The following PPFIA2 variants were observed in gnomAD, a reference collection of about 807,000 sequenced individuals.
PPFIA2 encodes the protein PPFI scaffold protein A2, also known as liprin-alpha-2.
PPFIA2 carries 46 observed loss-of-function variants against 175.5 expected under a neutral mutation model. The observed-to-expected ratio is 0.26, with a 90% CI of 0.21 to 0.34. The LOEUF is 0.34. Among genes scored for constraint, PPFIA2 ranks in the 10% least tolerant of loss-of-function variants. The pLI is 1.00. For synonymous variants in PPFIA2, 568 were observed against 511.4 expected, an observed-to-expected ratio of 1.11 and a Z score of -1.49; for missense variants, 1,179 against 1,506.1, an observed-to-expected ratio of 0.78 and a Z score of 3.60.
At chr12:81,315,997 C>T (rs1412549387) in intron 22 of PPFIA2, among the ~76,000 whole-genome samples, 1 of 151,494 alleles carries the variant, frequency 6.6e-6, no homozygotes, top group Non-Finnish European at 1.5e-5. Context: ...TAATCATCTG[C>T]CTAGCAAACC....
At chr12:81,435,551 A>T (rs752433327) in intron 7 of PPFIA2, among the ~76,000 whole-genome samples, 5 of 152,008 alleles carry the variant, frequency 3.3e-5, no homozygotes, top group Non-Finnish European at 7.4e-5. Flanking sequence ...AGAATAAGAC[A>T]AGTGGTGGTG....
At chr12:81,297,628 T>C (rs561720285) in intron 23 of PPFIA2, among the ~76,000 whole-genome samples, 2 of 152,338 alleles carry the variant, frequency 1.3e-5, no homozygotes, top group African/African-American at 4.8e-5. Flanking sequence ...TCAAAATAAC[T>C]AAACATCTAA....
chr12:81,439,825 G>A (rs2144973651), intron 7 of PPFIA2, 147 bp downstream of exon 7: 2 of 696,138 alleles, frequency 2.9e-6, no homozygotes, highest in Admixed American at 3.5e-5. Flanking sequence ...CAAGACTCCG[G>A]CAACTAATTT....
At chr12:81,457,362 G>A (rs2053770660) in intron 5 of PPFIA2, among the ~76,000 whole-genome samples, 1 of 151,324 alleles carries the variant, frequency 6.6e-6, no homozygotes, top group Non-Finnish European at 1.5e-5. Flanking sequence ...TTTTGTAGCA[G>A]CCCTTAATTT....
At chr12:81,309,720 C>A (rs563287839) in intron 22 of PPFIA2, among the ~76,000 whole-genome samples, 2 of 152,124 alleles carry the variant, frequency 1.3e-5, no homozygotes, top group Non-Finnish European at 2.9e-5. Context: ...AACCGTTTAT[C>A]TTCAAGCTTC....
At chr12:81,746,797 A>C (rs2083121298) in intron 3 of PPFIA2, among the ~76,000 whole-genome samples, 1 of 143,564 alleles carries the variant, frequency 7.0e-6, no homozygotes, top group Non-Finnish European at 1.6e-5. Flanking sequence ...GGAGAATGTA[A>C]GTAAATGAAG....
chr12:81,288,286 T>C (rs2044003161), intron 24 of PPFIA2, among the ~76,000 whole-genome samples: 1 of 151,788 alleles, frequency 6.6e-6, no homozygotes, highest in African/African-American at 2.4e-5. Context: ...CATGAGGTCC[T>C]GGGAGGCTAT....
At chr12:81,719,798 A>G (rs1262978805) in intron 3 of PPFIA2, among the ~76,000 whole-genome samples, 1 of 151,486 alleles carries the variant, frequency 6.6e-6, no homozygotes, top group Non-Finnish European at 1.5e-5. Context: ...GTTTAAGTTC[A>G]CTGACCTTAA....
At chr12:81,665,989 A>C (rs868365970) in intron 4 of PPFIA2, among the ~76,000 whole-genome samples, 142 of 152,328 alleles carry the variant, frequency 9.3e-4, no homozygotes, top group East Asian at 7.7e-4. Flanking sequence ...ACATTTATGC[A>C]GCCAAAAAAC....
At chr12:81,509,016 T>C (rs2147725977) in intron 4 of PPFIA2, among the ~76,000 whole-genome samples, 1 of 152,266 alleles carries the variant, frequency 6.6e-6, no homozygotes, top group South Asian at 2.1e-4. Flanking sequence ...TGGACTACTA[T>C]GCAGCCATAA....
intron 4 of PPFIA2, chr12:81,546,019 G>A (rs1594776129): frequency 6.6e-6 from 1 of 151,854 alleles, no homozygotes; most frequent in African/African-American, 2.4e-5. Flanking sequence ...AGCTACTCGG[G>A]AGGTCGAGGC....
chr12:81,446,268 A>G lies in PPFIA2; in HGVS notation c.406-548T>C, dbSNP rs542802745. 2.6e-5 allele frequency among the ~76,000 whole-genome samples: 4 copies of G among 152,352 alleles called. No individual in the cohort carries two copies. In the East Asian group the frequency reaches 7.7e-4, roughly 29 times the overall value. On this transcript the variant is annotated intron_variant, in intron 5 of 32. Transcript: ENST00000549396. ...TTAGAACATAGTAACTGAGATTCTC[A>G]ATTGTCAGTTCAGAAAAGGAAGTTA...
chr12:81,337,816 G>A (rs183375123), intron 21 of PPFIA2, among the ~76,000 whole-genome samples: 1 of 152,142 alleles, frequency 6.6e-6, no homozygotes, highest in East Asian at 1.9e-4. Context: ...AGATCATTTG[G>A]TCAACCACTA....
rs1247041532 is a variant in PPFIA2 at position 81,666,117 on chromosome 12, G to C, written c.303+10674C>G. Among the ~76,000 whole-genome samples the C allele has an allele frequency of 2.0e-5, 3 of 152,276 alleles. No individual in the cohort carries two copies. In the South Asian group the frequency reaches 6.2e-4, roughly 32 times the overall value. On this transcript the variant is annotated intron_variant, in intron 4 of 32. Transcript: ENST00000549396. The stretch of plus-strand genomic sequence containing the variant: ...ATTAAAAAGTCAGGAAACAACAGGT[G>C]CTGGAGAGGATGTGGAGAAATAGGA...
At chr12:81,491,337 A>AT (rs146631146) in intron 4 of PPFIA2, among the ~76,000 whole-genome samples, 1 of 151,792 alleles carries the variant, frequency 6.6e-6, no homozygotes, top group Non-Finnish European at 1.5e-5. Context: ...TTGTTTGGAC[A>AT]TTTTATTTCC....
chr12:81,607,045 C>T (rs971045390), intron 4 of PPFIA2, among the ~76,000 whole-genome samples: 5 of 152,050 alleles, frequency 3.3e-5, no homozygotes, highest in African/African-American at 1.2e-4. Context: ...AGCCCGTTAT[C>T]CCAGCACCAT....
chr12:81,552,952 A>G (rs1567299817), intron 4 of PPFIA2, among the ~76,000 whole-genome samples: 2 of 152,064 alleles, frequency 1.3e-5, no homozygotes, highest in African/African-American at 2.4e-5. Flanking sequence ...TTTTCCATAT[A>G]ATAAATAGTA....
chr12:81,336,839 A>T (rs369717211), intron 21 of PPFIA2, among the ~76,000 whole-genome samples: 1 of 152,332 alleles, frequency 6.6e-6, no homozygotes, highest in East Asian at 1.9e-4. Flanking sequence ...AAGAAAGAAC[A>T]CTGGCAATGC....
At chr12:81,517,701 T>C (rs2062633376) in intron 4 of PPFIA2, among the ~76,000 whole-genome samples, 1 of 152,082 alleles carries the variant, frequency 6.6e-6, no homozygotes, top group Non-Finnish European at 1.5e-5. Context: ...AAAAGGAGAT[T>C]GGTATGGTGT....
Sources: gnomAD v4.1 joint callset for allele counts (sites outside exome capture counted in the v4.1 genomes callset) on GRCh38, gnomAD v4.1.1 for gene constraint, MANE v1.5 for transcripts, NCBI Gene and HGNC (gene_info 2026-07-23, HGNC 2026-07-21) for gene names.